VWA3B: variants seen among roughly 807,000 people sequenced by gnomAD.
VWA3B encodes the protein von Willebrand factor A domain containing 3B, also known as von Willebrand factor A domain-containing protein 3B.
VWA3B carries 138 observed loss-of-function variants against 158.3 expected under a neutral mutation model. That is an observed-to-expected ratio of 0.87 (90% confidence interval 0.76 to 1.00). VWA3B has a LOEUF of 1.00. Ranked by LOEUF, VWA3B falls within the 50% of genes least tolerant of loss-of-function variation. VWA3B has a pLI of 0.00. For synonymous variants in VWA3B, 596 were observed against 587.3 expected (o/e 1.01, Z -0.21); for missense variants, 1,555 against 1,565.1 (o/e 0.99, Z 0.11).
At chr2:98,320,718 G>C in the VWA3B span, among the ~76,000 whole-genome samples, 1 of 152,146 alleles carries the variant, frequency 6.6e-6, no homozygotes, top group Admixed American at 6.5e-5. Flanking sequence ...ATGATTTAGG[G>C]TATCTGGTGG....
chr2:98,244,520 C>A (rs1278697392), intron 19 of VWA3B, among the ~76,000 whole-genome samples: 2 of 151,976 alleles, frequency 1.3e-5, no homozygotes, highest in Non-Finnish European at 2.9e-5. Flanking sequence ...TCTCAACTAC[C>A]AAGAATTCAA....
chr2:98,307,861 A>G (rs1323010310), intron 26 of VWA3B, among the ~76,000 whole-genome samples: 1 of 152,192 alleles, frequency 6.6e-6, no homozygotes, highest in African/African-American at 2.4e-5. Context: ...ATCTGCTTGC[A>G]GGGTAAAGCA....
chr2:98,148,797 C>T (rs1331675707), intron 7 of VWA3B, among the ~76,000 whole-genome samples: 1 of 152,216 alleles, frequency 6.6e-6, no homozygotes, highest in Non-Finnish European at 1.5e-5. Flanking sequence ...ACACTTGCTC[C>T]TGGACCATCT....
chr2:98,149,437 C>T (rs1213285312), intron 7 of VWA3B, among the ~76,000 whole-genome samples: 1 of 152,066 alleles, frequency 6.6e-6, no homozygotes, highest in African/African-American at 2.4e-5. Context: ...GTTTAAACAC[C>T]CTCTAGAGGT....
intron 2 of VWA3B, among the ~76,000 whole-genome samples, chr2:98,110,822 G>C (rs1239996495): frequency 1.3e-5 from 2 of 152,190 alleles, no homozygotes; most frequent in African/African-American, 4.8e-5. Context: ...CCCAGTGGGA[G>C]GTAACTGAAT....
At chr2:98,132,016 G>T (rs906863130) in intron 6 of VWA3B, among the ~76,000 whole-genome samples, 7 of 152,106 alleles carry the variant, frequency 4.6e-5, no homozygotes, top group Non-Finnish European at 1.0e-4. Context: ...TACAGAAGGG[G>T]GCTCCCTCCT....
chr2:98,113,328 AC>A (rs1674290311), intron 2 of VWA3B, among the ~76,000 whole-genome samples: 1 of 152,020 alleles, frequency 6.6e-6, no homozygotes, highest in South Asian at 2.1e-4. Context: ...ATCCATGCAT[AC>A]TCAGTTCCTG....
rs534351736 is a variant in VWA3B at position 98,143,752 on chromosome 2, C to CTTTTTTTTTTTT, written c.988+9819_988+9830dup. On this transcript the variant is annotated intron_variant, in intron 7 of 27. Transcript: ENST00000477737. ...CTTTAGCTTTCTTTTCTTTTCTTTT[C>CTTTTTTTTTTTT]TTTTTTTTTTTTTTTTTGAGACATG... Among the ~76,000 whole-genome samples, 4 of 130,948 alleles carry CTTTTTTTTTTTT rather than the reference C, an allele frequency of 3.1e-5. 1 individual carries two copies. The highest frequency in any genetic ancestry group is 4.9e-5 in the Non-Finnish European group (3 of 61,380). 85.9% of individuals were successfully genotyped at this position (130,948 alleles called of 152,430 possible). A position where few individuals can be genotyped will look rare whatever the true frequency, so the allele number is the denominator to read the frequency against.
At chr2:98,265,191 GCCTC>G (rs1177373795) in intron 21 of VWA3B, among the ~76,000 whole-genome samples, 2 of 71,550 alleles carry the variant, frequency 2.8e-5, no homozygotes, top group East Asian at 8.8e-4. Context: ...TATCCCTCCC[GCCTC>G]CCCCCACCCC....
intron 22 of VWA3B, among the ~76,000 whole-genome samples, chr2:98,275,844 G>A (rs991963888): frequency 2.0e-5 from 3 of 152,242 alleles, no homozygotes; most frequent in Non-Finnish European, 2.9e-5. Flanking sequence ...AATTTGCAGT[G>A]GGTAGAAGGG....
At chr2:98,118,823 A>G (rs953808638) in intron 3 of VWA3B, among the ~76,000 whole-genome samples, 1 of 152,176 alleles carries the variant, frequency 6.6e-6, no homozygotes, top group African/African-American at 2.4e-5. Context: ...TTCCTTGTCT[A>G]TGTCTTCTAT....
At chr2:98,308,750 C>T (rs541454228) in intron 26 of VWA3B, among the ~76,000 whole-genome samples, 2 of 152,302 alleles carry the variant, frequency 1.3e-5, no homozygotes, top group African/African-American at 4.8e-5. Flanking sequence ...GGTTTCAGGC[C>T]GCCTGAACTG....
intron 22 of VWA3B, among the ~76,000 whole-genome samples, chr2:98,274,718 C>T (rs1295221247): frequency 1.3e-5 from 2 of 152,142 alleles, no homozygotes; most frequent in African/African-American, 2.4e-5. Flanking sequence ...AGGACATTCA[C>T]GGATGTGTGT....
chr2:98,228,217 CT>C lies in VWA3B; in HGVS notation c.2039del (p.Leu680Ter), dbSNP rs1685068393. The C allele has an allele frequency of 1.2e-6, 2 of 1,612,754 alleles. No individual in the cohort carries two copies. Among genetic ancestry groups the C allele is most frequent in the Non-Finnish European group, 1.7e-6 (2 of 1,179,600 alleles). On this transcript the variant is annotated frameshift_variant, in exon 15 of 28. Coordinates refer to ENST00000477737, the MANE Select transcript of VWA3B (RefSeq NM_144992.5). LOFTEE classifies it high-confidence loss of function. ...PEAVQNEDLT[L>X]LVKEMEQGHS... ...ATTTTGGCAGAATGAAGATCTGACT[CT>C]TTTAGTTAAGGAAATGGAACAGGGT...
chr2:98,247,018 G>T (rs1363533091), intron 19 of VWA3B, among the ~76,000 whole-genome samples: 1 of 150,738 alleles, frequency 6.6e-6, no homozygotes, highest in Non-Finnish European at 1.5e-5. Context: ...TTTTTTTTGA[G>T]ACAGAGCCTC....
At chr2:98,220,165 TAAAAAAAA>T (rs58005028) in intron 14 of VWA3B, among the ~76,000 whole-genome samples, 1 of 83,684 alleles carries the variant, frequency 1.2e-5, no homozygotes, top group East Asian at 3.9e-4. Flanking sequence ...ACCTGTCTCA[TAAAAAAAA>T]AAAAAAAAAA....
At chr2:98,223,614 T>C (rs1684684648) in intron 14 of VWA3B, among the ~76,000 whole-genome samples, 1 of 152,180 alleles carries the variant, frequency 6.6e-6, no homozygotes, top group Non-Finnish European at 1.5e-5. Flanking sequence ...AATTGCAGAT[T>C]TGACAGCAGA....
intron 7 of VWA3B, among the ~76,000 whole-genome samples, chr2:98,144,260 T>C (rs1677003251): frequency 6.6e-6 from 1 of 152,298 alleles, no homozygotes; most frequent in Admixed American, 6.5e-5. Flanking sequence ...CAATAAATTA[T>C]AGTTGTCATT....
chr2:98,234,809 CCA>C, intron 17 of VWA3B, 42 bp downstream of exon 17: 1 of 1,613,264 alleles, frequency 6.2e-7, no homozygotes. Flanking sequence ...GCCTCCCTTT[CCA>C]CAGTGTATCT....
Sources: gnomAD v4.1 joint callset for allele counts (sites outside exome capture counted in the v4.1 genomes callset) on GRCh38, gnomAD v4.1.1 for gene constraint, MANE v1.5 for transcripts, NCBI Gene and HGNC (gene_info 2026-07-23, HGNC 2026-07-21) for gene names.